Variants in ARL15 observed in about 807,000 individuals in gnomAD.
The protein encoded by ARL15 is ARF like GTPase 15, also known as ADP-ribosylation factor-like protein 15.
A neutral mutation model predicts 25.2 loss-of-function variants in ARL15; 19 were observed. That is an observed-to-expected ratio of 0.75 (90% CI 0.53 to 1.10). The LOEUF (loss-of-function observed/expected upper bound fraction) is 1.10, where lower values mean the gene tolerates loss of function less well. Ranked by LOEUF, ARL15 falls within the 50% of genes least tolerant of loss-of-function variation. ARL15 has a pLI of 0.00. For missense variants in ARL15, 220 were observed against 246.0 expected, an observed-to-expected ratio of 0.89 and a Z score of 0.71; for synonymous variants, 94 against 86.8, an observed-to-expected ratio of 1.08 and a Z score of -0.46.
At chr5:53,970,478 G>A (rs1007594453) in intron 4 of ARL15, among the ~76,000 whole-genome samples, 1 of 150,846 alleles carries the variant, frequency 6.6e-6, no homozygotes, top group African/African-American at 2.4e-5. Context: ...GAGTGAGAAT[G>A]AGTGAGAAAG....
intron 3 of ARL15, among the ~76,000 whole-genome samples, chr5:54,120,107 G>C (rs1027967063): frequency 3.9e-5 from 6 of 152,064 alleles, no homozygotes; most frequent in Non-Finnish European, 8.8e-5. Context: ...ATCTTTTATA[G>C]AATACTTATT....
At chr5:54,163,356 C>CTTTTTTTTT (rs869196680) in intron 2 of ARL15, among the ~76,000 whole-genome samples, 15 of 55,700 alleles carry the variant, frequency 2.7e-4, no homozygotes, top group East Asian at 5.5e-4. Context: ...TGGTATGAAG[C>CTTTTTTTTT]TTTTTTTTTT....
At chr5:54,044,184 A>G (rs1750434054) in intron 4 of ARL15, among the ~76,000 whole-genome samples, 1 of 152,130 alleles carries the variant, frequency 6.6e-6, no homozygotes. Context: ...ATAGATTCCA[A>G]ATATTTAATT....
intron 4 of ARL15, among the ~76,000 whole-genome samples, chr5:53,921,704 G>A (rs1288568202): frequency 6.6e-6 from 1 of 152,072 alleles, no homozygotes; most frequent in South Asian, 2.1e-4. Flanking sequence ...CCCAGGAGGC[G>A]GATGTTGCAG....
At chr5:54,217,336 C>T (rs1244885671) in intron 1 of ARL15, among the ~76,000 whole-genome samples, 4 of 151,786 alleles carry the variant, frequency 2.6e-5, no homozygotes, top group Admixed American at 2.0e-4. Context: ...TGAAAGATTC[C>T]ATTTTAAATG....
At chr5:54,111,008 C>T (rs1215741867) in intron 4 of ARL15, among the ~76,000 whole-genome samples, 1 of 151,720 alleles carries the variant, frequency 6.6e-6, no homozygotes, top group Non-Finnish European at 1.5e-5. Context: ...TAGGCCAGAC[C>T]CAAAGTAAGT....
At chr5:54,026,976 T>C (rs1040742999) in intron 4 of ARL15, among the ~76,000 whole-genome samples, 5 of 152,096 alleles carry the variant, frequency 3.3e-5, no homozygotes, top group Non-Finnish European at 5.9e-5. Flanking sequence ...ACATGAACCA[T>C]AGCTATGGAA....
intron 4 of ARL15, among the ~76,000 whole-genome samples, chr5:54,067,928 C>T (rs1173427230): frequency 1.3e-5 from 2 of 152,136 alleles, no homozygotes; most frequent in African/African-American, 4.8e-5. Flanking sequence ...TATAGCATGT[C>T]ACACACACCA....
At chr5:53,998,820 T>A (rs759897190) in intron 4 of ARL15, among the ~76,000 whole-genome samples, 4 of 152,122 alleles carry the variant, frequency 2.6e-5, no homozygotes, top group Non-Finnish European at 2.9e-5. Flanking sequence ...GAGACAGACA[T>A]GGGAATTGGG....
chr5:54,038,189 A>G (rs1049211495), intron 4 of ARL15, among the ~76,000 whole-genome samples: 1 of 152,128 alleles, frequency 6.6e-6, no homozygotes, highest in Non-Finnish European at 1.5e-5. Context: ...TTGCTTATTT[A>G]TACCTTGCTT....
At chr5:53,896,423 G>A (rs1256458885) in intron 4 of ARL15, among the ~76,000 whole-genome samples, 1 of 152,058 alleles carries the variant, frequency 6.6e-6, no homozygotes, top group African/African-American at 2.4e-5. Flanking sequence ...CAAATGAAAG[G>A]GGTTATAATT....
chr5:54,147,721 C>T (rs1020816356), intron 3 of ARL15, among the ~76,000 whole-genome samples: 4 of 152,170 alleles, frequency 2.6e-5, no homozygotes, highest in African/African-American at 4.8e-5. Context: ...AAACACTTTT[C>T]GAATAGCAAG....
chr5:54,182,564 G>C (rs1482791176), intron 1 of ARL15, among the ~76,000 whole-genome samples: 10 of 148,198 alleles, frequency 6.7e-5, no homozygotes, highest in Non-Finnish European at 3.0e-5. Context: ...TTGTAGTATA[G>C]TTTGAAGTCA....
At chr5:53,961,934 G>A (rs529430564) in intron 4 of ARL15, among the ~76,000 whole-genome samples, 51 of 152,250 alleles carry the variant, frequency 3.3e-4, no homozygotes, top group African/African-American at 1.2e-3. Context: ...GGGAGCATAT[G>A]GAGTTCTATA....
chr5:54,143,590 C>T (rs1291005932), intron 3 of ARL15, among the ~76,000 whole-genome samples: 1 of 151,834 alleles, frequency 6.6e-6, no homozygotes, highest in Non-Finnish European at 1.5e-5. Flanking sequence ...TACAGATATA[C>T]GTGTTTTCTA....
chr5:53,897,685 T>C (rs1004732138), intron 4 of ARL15, among the ~76,000 whole-genome samples: 1 of 152,222 alleles, frequency 6.6e-6, no homozygotes, highest in Non-Finnish European at 1.5e-5. Context: ...TTTTATCTTA[T>C]AGTATATTAA....
At chr5:54,178,212 G>A (rs878883805) in intron 1 of ARL15, among the ~76,000 whole-genome samples, 4 of 152,138 alleles carry the variant, frequency 2.6e-5, no homozygotes, top group South Asian at 2.1e-4. Flanking sequence ...ATCCTGTTTC[G>A]CTAAATTCCC....
At chr5:54,009,593 A>G (rs1449632378) in intron 4 of ARL15, among the ~76,000 whole-genome samples, 1 of 152,182 alleles carries the variant, frequency 6.6e-6, no homozygotes, top group Non-Finnish European at 1.5e-5. Flanking sequence ...GACTGCGAAT[A>G]TTGTGCACAA....
At chr5:53,889,629 A>G (rs1347841298) in intron 4 of ARL15, among the ~76,000 whole-genome samples, 1 of 152,120 alleles carries the variant, frequency 6.6e-6, no homozygotes, top group Non-Finnish European at 1.5e-5. Context: ...ATTCCACACA[A>G]CTCTACATTT....
Sources: gnomAD v4.1 joint callset for allele counts (sites outside exome capture counted in the v4.1 genomes callset) on GRCh38, gnomAD v4.1.1 for gene constraint, MANE v1.5 for transcripts, NCBI Gene and HGNC (gene_info 2026-07-23, HGNC 2026-07-21) for gene names.